The following GIGYF1 variants were observed in gnomAD, a reference collection of about 807,000 sequenced individuals.
The protein encoded by GIGYF1 is GRB10-interacting GYF protein 1.
GIGYF1 carries 84 observed loss-of-function variants against 147.1 expected under a neutral mutation model. That is an observed-to-expected ratio of 0.57 (90% CI 0.48 to 0.68). GIGYF1 has a LOEUF of 0.68. GIGYF1 is among the 30% of genes least tolerant of loss of function. GIGYF1 has a pLI of 0.00. For synonymous variants in GIGYF1, 752 were observed against 589.5 expected, an observed-to-expected ratio of 1.28 and a Z score of -3.99; for missense variants, 1,485 against 1,393.7, an observed-to-expected ratio of 1.07 and a Z score of -1.04.
Position 100,684,459 on chromosome 7 carries a change from G to A in GIGYF1, c.1620C>T (p.Pro540=). 1.2e-6 allele frequency: 2 copies of A among 1,612,776 alleles called. No homozygotes were observed. Among genetic ancestry groups the A allele is most frequent in the Non-Finnish European group, 1.7e-6 (2 of 1,179,966 alleles). ...RVPFAPGPSP[P]PLLGNMDQER... is the part of the protein sequence containing the mutation. ...GGGAGAAGCGGCTCACCAGCAGTGG[G>A]GGAGGTGAGGGCCCTGGGGCAAAGG... The change falls in exon 16 of 27, where the codon CCC becomes CCT. Residue 540 remains proline, a synonymous_variant. Coordinates refer to ENST00000678049, the MANE Select transcript of GIGYF1 (RefSeq NM_001375765.1).
chr7:100,685,997 A>T lies in GIGYF1; in HGVS notation c.1031T>A (p.Leu344Gln). ...LEEEEEPSEG[L>Q]EEEGPEAGGK... ...ACCTGCCTCAGGCCCTTCCTCCTCTAGCCCTTCGGAAGGTTCCTCCTCCTC... is the reference window on the plus strand; with the variant it reads ...ACCTGCCTCAGGCCCTTCCTCCTCTTGCCCTTCGGAAGGTTCCTCCTCCTC... Residue 344 changes from leucine (L) to glutamine (Q), a missense_variant, in exon 12 of 27, where the codon CTA becomes CAA. Coordinates refer to ENST00000678049, the MANE Select transcript of GIGYF1 (RefSeq NM_001375765.1). 1.2e-6 allele frequency: 2 copies of T among 1,612,202 alleles called. No individual in the cohort carries two copies. The highest frequency in any genetic ancestry group is 1.7e-6 in the Non-Finnish European group (2 of 1,179,824).
rs777623530 is a variant in GIGYF1, at chr7:100,683,327, CCTCCTCCTGCCGCCGCTTCTG to C, written c.2149_2169del (p.Gln717_Glu723del). The C allele has an allele frequency of 1.2e-6, 2 of 1,613,864 alleles. No homozygotes were observed. The highest frequency in any genetic ancestry group is 1.7e-5 in the Admixed American group (1 of 60,034). On this transcript the variant is annotated inframe_deletion, in exon 21 of 27. Transcript: ENST00000678049. ...ACGTGCTTGCGCCGAAACAGCTCTT[CCTCCTCCTGCCGCCGCTTCTG>C]CTCCTCCTGCTGCTGCTGGCGGCGC... is the stretch of plus-strand genomic sequence containing the variant.
In GIGYF1 at chr7:100,686,929, A is replaced by C. The variant is rs1672995172; in HGVS notation, c.523+77T>G. 1.9e-6 allele frequency: 3 copies of C among 1,606,472 alleles called. No homozygotes were observed. The Admixed American group carries it at 5.0e-5, about 27-fold the overall frequency. On this transcript the variant is annotated intron_variant, in intron 9 of 26. Coordinates refer to ENST00000678049, the MANE Select transcript of GIGYF1 (RefSeq NM_001375765.1). ...GGCCCTCCTGCCCCCAACACCTCCG[A>C]AATAAGCACCCCCAGACTGGGCCAC...
In GIGYF1 at chr7:100,687,808, G is replaced by C; in HGVS notation, c.241C>G (p.Pro81Ala). Residue 81 changes from proline (P) to alanine (A), a missense_variant, in exon 6 of 27, where the codon CCG (proline) becomes GCG (alanine). Physicochemically the swap from Pro to Ala is conservative, Grantham distance 27. Transcript: ENST00000678049. ...CCCACCTGTTCCTCCTCAGTCAGCGGCTCCAGAGCCAGGGGCTGCAGTGGC... is the reference window on the plus strand; with the variant it reads ...CCCACCTGTTCCTCCTCAGTCAGCGCCTCCAGAGCCAGGGGCTGCAGTGGC... ...DEPLQPLALEPLTEEEQRNFS... is the reference protein window; with the variant it reads ...DEPLQPLALEALTEEEQRNFS... 6.2e-7 allele frequency: 1 copy of C among 1,612,742 alleles called. No individual in the cohort carries two copies. The highest frequency in any genetic ancestry group is 8.5e-7 in the Non-Finnish European group (1 of 1,179,920).
Position 100,684,802 on chromosome 7 carries a change from A to C in GIGYF1, c.1383T>G (p.Ser461=). The C allele has an allele frequency of 6.2e-7, 1 of 1,610,954 alleles. No individual in the cohort carries two copies. Among genetic ancestry groups the C allele is most frequent in the Non-Finnish European group, 8.5e-7 (1 of 1,178,906 alleles). Residue 461 remains serine (S), a synonymous_variant, in exon 15 of 27, where the codon TCT becomes TCG. Coordinates refer to ENST00000678049, the MANE Select transcript of GIGYF1 (RefSeq NM_001375765.1). Reference sequence around the variant, plus strand: ...TGAGCGGGAGGGCAGTGGCGGCTGCAGAGTGGCGCAGGCCCTGGGTCTGCA... The same window carrying C: ...TGAGCGGGAGGGCAGTGGCGGCTGCCGAGTGGCGCAGGCCCTGGGTCTGCA... The part of the protein sequence containing the change: ...AAMQTQGLRH[S]AAATALPLSH...
Position 100,680,316 on chromosome 7 carries a change from CCCT to C in GIGYF1, c.*1400_*1402del, listed in dbSNP as rs1804613326. On this transcript the variant is annotated 3_prime_UTR_variant, in exon 27 of 27. Transcript: ENST00000678049. ...GGAGGGAGGCAGTGGCGAAGCCTTG[CCCT>C]AATACTGCACTCTGAGCAATGAGGT... 1 of 152,644 alleles carries C rather than the reference CCCT, an allele frequency of 6.6e-6. No homozygotes were observed. The highest frequency in any genetic ancestry group is 1.5e-5 in the Non-Finnish European group (1 of 68,080). The allele number at this position is 152,644 out of a possible 1,614,324, so 9.5% of individuals were successfully genotyped here.
intron 1 of GIGYF1, among the ~76,000 whole-genome samples, chr7:100,689,951 T>C (rs1805697533): frequency 6.6e-6 from 1 of 151,906 alleles, no homozygotes; most frequent in Non-Finnish European, 1.5e-5. Flanking sequence ...GGGAGGAAGG[T>C]AGAAGGGCAG....
rs1171053379 is a variant in GIGYF1, at chr7:100,683,012, C to T, written c.2412G>A (p.Val804=). The T allele has an allele frequency of 6.6e-7, 1 of 1,521,296 alleles. No individual in the cohort carries two copies. The highest frequency in any genetic ancestry group is 8.8e-7 in the Non-Finnish European group (1 of 1,138,256). The allele number at this position is 1,521,296 out of a possible 1,614,324, so 94.2% of individuals were successfully genotyped here. Residue 804 remains valine, a splice_region_variant and synonymous_variant, in exon 22 of 27, where the codon GTG becomes GTA. Coordinates refer to ENST00000678049, the MANE Select transcript of GIGYF1 (RefSeq NM_001375765.1). ...CCCGGGAGGTTCCCGGCCTGCTCACCACTCGGTGGTTGGGGGCCTGGGCCC... is the reference window on the plus strand; with the variant it reads ...CCCGGGAGGTTCCCGGCCTGCTCACTACTCGGTGGTTGGGGGCCTGGGCCC... ...PARAQAPNHR[V]QLGGLGTAPL...
rs776396510 is a variant in GIGYF1, at chr7:100,683,204, C to T, written c.2220G>A (p.Lys740=). ...KHVRQQELLL[K]LLQQQQAVPV... Reference sequence around the variant, plus strand: ...GGACCGCCTGCTGCTGCTGTAGCAACTTCAGCAATAGCTCCTGCTGCCGCA... The same window carrying T: ...GGACCGCCTGCTGCTGCTGTAGCAATTTCAGCAATAGCTCCTGCTGCCGCA... The change falls in exon 22 of 27, where the codon AAG becomes AAA. Residue 740 remains lysine, a synonymous_variant. Transcript: ENST00000678049. 6.2e-7 allele frequency: 1 copy of T among 1,609,904 alleles called. No individual in the cohort carries two copies. Among genetic ancestry groups the T allele is most frequent in the South Asian group, 1.1e-5 (1 of 91,094 alleles).
intron 24 of GIGYF1, 40 bp downstream of exon 24, chr7:100,682,282 G>A: frequency 6.2e-7 from 1 of 1,608,320 alleles, no homozygotes; most frequent in Non-Finnish European, 8.5e-7. Flanking sequence ...CGGGTCTGGA[G>A]ACCCAGGTCC....
Position 100,682,736 on chromosome 7 carries a change from C to A in GIGYF1, c.2454G>T (p.Val818=). ...CGCCCCACAGTGGCCCAGCCTCAGA[C>A]ACCCACTGGTTCAGGGGGGCAGTGC... ...GLGTAPLNQW[V]SEAGPLWGGP... is the part of the protein sequence containing the mutation. The change falls in exon 23 of 27, where the codon GTG becomes GTT. Residue 818 remains valine (V), a synonymous_variant. Transcript: ENST00000678049. The A allele has an allele frequency of 6.4e-7, 1 of 1,558,074 alleles. No individual in the cohort carries two copies. The highest frequency in any genetic ancestry group is 1.2e-5 in the South Asian group (1 of 82,218).
chr7:100,685,771 G>A (rs572684774), intron 12 of GIGYF1, among the ~76,000 whole-genome samples: 4 of 152,330 alleles, frequency 2.6e-5, no homozygotes, highest in East Asian at 1.9e-4. Context: ...AGGTCATTTT[G>A]ATTACGCCTG....
In GIGYF1 at chr7:100,684,320, CTCCTGG is replaced by C; in HGVS notation, c.1641_1646del (p.Asp547_Gln548del). On this transcript the variant is annotated inframe_deletion, in exon 17 of 27. Transcript: ENST00000678049. Reference sequence around the variant, plus strand: ...CCAGCTCCTGTTGCTTCTTCAGCCGCTCCTGGTCCATGTTTCCCTGCTCAGGTGAGA... The same window carrying C: ...CCAGCTCCTGTTGCTTCTTCAGCCGCTCCATGTTTCCCTGCTCAGGTGAGA... The C allele has an allele frequency of 6.3e-7, 1 of 1,598,304 alleles. No homozygotes were observed. Among genetic ancestry groups the C allele is most frequent in the South Asian group, 1.1e-5 (1 of 89,066 alleles).
chr7:100,686,511 G>C (rs1477058401), intron 10 of GIGYF1, 78 bp from the exon 11 acceptor site: 3 of 1,522,406 alleles, frequency 2.0e-6, no homozygotes, highest in Non-Finnish European at 2.6e-6. Context: ...AGCTCACGGA[G>C]CACCTCCAGG....
intron 1 of GIGYF1, among the ~76,000 whole-genome samples, chr7:100,692,841 G>A (rs1319338988): frequency 6.6e-6 from 1 of 152,186 alleles, no homozygotes; most frequent in Non-Finnish European, 1.5e-5. Flanking sequence ...TACAATCTAA[G>A]AAAATCAGAT....
chr7:100,684,123 C>T lies in GIGYF1; in HGVS notation c.1765G>A (p.Ala589Thr), dbSNP rs777466261. 6.2e-7 allele frequency: 1 copy of T among 1,608,772 alleles called. No homozygotes were observed. Among genetic ancestry groups the T allele is most frequent in the Non-Finnish European group, 8.5e-7 (1 of 1,179,748 alleles). Reference sequence around the variant, plus strand: ...GGCGGTGTCAGGTCCCCCAGAGCTGCCTTTTCTCGGAGCGCGCACTGTGGG... The same window carrying T: ...GGCGGTGTCAGGTCCCCCAGAGCTGTCTTTTCTCGGAGCGCGCACTGTGGG... ...QLPQCALREK[A>T]ALGDLTPPPP... The change falls in exon 18 of 27, where the codon GCA (alanine) becomes ACA (threonine). Residue 589 changes from alanine to threonine, a missense_variant. Transcript: ENST00000678049.
At position 100,681,653 on chromosome 7, in the gene GIGYF1, G is replaced by C; in HGVS notation, c.*66C>G. 1 of 1,456,746 alleles carries C rather than the reference G, an allele frequency of 6.9e-7. No homozygotes were observed. The allele number at this position is 1,456,746 out of a possible 1,614,324, so 90.2% of individuals were successfully genotyped here. A position where few individuals can be genotyped will look rare whatever the true frequency, so the allele number is the denominator to read the frequency against. On this transcript the variant is annotated 3_prime_UTR_variant, in exon 27 of 27. Coordinates refer to ENST00000678049, the MANE Select transcript of GIGYF1 (RefSeq NM_001375765.1). Reference sequence around the variant, plus strand: ...CTCTCTGCGGGGAGCCTGCAGGCTGGGACCCTCGGTCCACGCCGCTGTGGC... The same window carrying C: ...CTCTCTGCGGGGAGCCTGCAGGCTGCGACCCTCGGTCCACGCCGCTGTGGC...
In GIGYF1 at chr7:100,682,388, G is replaced by T. The variant is rs547530243; in HGVS notation, c.2695C>A (p.Gln899Lys). ...TCGCACCACTGGGTGAAGCCGTCCT[G>T]GGGCCTGGGAATGCCCTGCAGCAGC... ...LKLLQGIPRP[Q>K]DGFTQWCEQM... is the part of the protein sequence containing the mutation. The change falls in exon 24 of 27, where the codon CAG (glutamine) becomes AAG (lysine). Residue 899 changes from glutamine to lysine, a missense_variant. Coordinates refer to ENST00000678049, the MANE Select transcript of GIGYF1 (RefSeq NM_001375765.1). 3.1e-6 allele frequency: 5 copies of T among 1,613,694 alleles called. No homozygotes were observed. The Admixed American group carries it at 8.3e-5, about 27-fold the overall frequency.
Position 100,682,000 on chromosome 7 carries a change from C to G in GIGYF1, c.2926-7G>C, listed in dbSNP as rs1465020564. The G allele has an allele frequency of 3.1e-6, 5 of 1,609,318 alleles. No homozygotes were observed. The highest frequency in any genetic ancestry group is 4.2e-6 in the Non-Finnish European group (5 of 1,179,898). On this transcript the variant is annotated splice_polypyrimidine_tract_variant and splice_region_variant and intron_variant, in intron 25 of 26. Coordinates refer to ENST00000678049, the MANE Select transcript of GIGYF1 (RefSeq NM_001375765.1). ...CGCTGCTCAGCCATGCCTCCTAAGG[C>G]AGCGGAGAGGAGGGTGAAGGTCAGG...
Sources: gnomAD v4.1 joint callset for allele counts (sites outside exome capture counted in the v4.1 genomes callset) on GRCh38, gnomAD v4.1.1 for gene constraint, MANE v1.5 for transcripts, NCBI Gene and HGNC (gene_info 2026-07-23, HGNC 2026-07-21) for gene names.